ROBO1: variants seen among roughly 807,000 people sequenced by gnomAD.
The protein encoded by ROBO1 is roundabout homolog 1.
In ROBO1, 149 loss-of-function variants were observed where a neutral mutation model predicts 195.9. The observed-to-expected ratio is 0.76, with a 90% CI of 0.67 to 0.87. The LOEUF (loss-of-function observed/expected upper bound fraction) is 0.87. Among genes scored for constraint, ROBO1 ranks in the 40% least tolerant of loss-of-function variants. The pLI is 0.00. For missense variants in ROBO1, 1,933 were observed against 2,068.3 expected (o/e 0.93, Z 1.27); for synonymous variants, 816 against 733.2 (o/e 1.11, Z -1.82).
chr3:79,615,149 G>C (rs566235372), intron 1 of ROBO1, among the ~76,000 whole-genome samples: 4 of 152,152 alleles, frequency 2.6e-5, no homozygotes, highest in Non-Finnish European at 5.9e-5. Context: ...CATTAAAACG[G>C]ATACTTAAGA....
rs545856298 is a variant in ROBO1, at chr3:78,953,947, C to T, written c.173-15020G>A. Among the ~76,000 whole-genome samples, 4 of 152,038 alleles carry T rather than the reference C, an allele frequency of 2.6e-5. No individual in the cohort carries two copies. In the East Asian group the frequency reaches 5.8e-4, roughly 22 times the overall value. On this transcript the variant is annotated intron_variant, in intron 3 of 30. Transcript: ENST00000464233. ...CACCATTATTTGATTTTAGATTCTC[C>T]TCCTAACTCTTTTCTGGAATTACAT... is the stretch of plus-strand genomic sequence containing the variant.
chr3:79,592,461 T>C (rs1453238254), intron 1 of ROBO1, among the ~76,000 whole-genome samples: 4 of 151,996 alleles, frequency 2.6e-5, no homozygotes, highest in Admixed American at 2.6e-4. Flanking sequence ...AATCAGAAAT[T>C]ATGAATCAGA....
intron 2 of ROBO1, among the ~76,000 whole-genome samples, chr3:79,244,080 C>A (rs2082574907): frequency 6.6e-6 from 1 of 152,054 alleles, no homozygotes. Flanking sequence ...TTGGTTCTAC[C>A]AGCAATCCTA....
At chr3:79,549,399 A>G (rs776228717) in intron 2 of ROBO1, among the ~76,000 whole-genome samples, 9 of 152,172 alleles carry the variant, frequency 5.9e-5, no homozygotes, top group Non-Finnish European at 1.2e-4. Context: ...AGAAAACACA[A>G]CCAACCCTTA....
At chr3:79,362,891 A>G (rs1437660744) in intron 2 of ROBO1, among the ~76,000 whole-genome samples, 1 of 152,158 alleles carries the variant, frequency 6.6e-6, no homozygotes, top group Admixed American at 6.5e-5. Context: ...CCCGGGAGAT[A>G]AGGAAAAAAC....
intron 4 of ROBO1, among the ~76,000 whole-genome samples, chr3:78,907,290 AAAC>A (rs200567835): frequency 4.1e-4 from 63 of 152,224 alleles, no homozygotes; most frequent in African/African-American, 1.4e-3. Context: ...CAAAAAAACA[AAAC>A]AACAACAACA....
intron 2 of ROBO1, among the ~76,000 whole-genome samples, chr3:79,282,797 C>A (rs2031609838): frequency 6.6e-6 from 1 of 152,078 alleles, no homozygotes; most frequent in South Asian, 2.1e-4. Context: ...CCTTTGGAAA[C>A]AGTCAGTGGC....
chr3:79,219,708 G>A (rs2082105982), intron 2 of ROBO1, among the ~76,000 whole-genome samples: 2 of 151,882 alleles, frequency 1.3e-5, no homozygotes, highest in Non-Finnish European at 2.9e-5. Context: ...GATTCTTATG[G>A]GAATGACCAA....
intron 3 of ROBO1, among the ~76,000 whole-genome samples, chr3:78,996,518 C>T (rs907652621): frequency 1.3e-5 from 2 of 152,210 alleles, no homozygotes; most frequent in African/African-American, 2.4e-5. Flanking sequence ...CACCCTATTT[C>T]CTATTTGATT....
At chr3:79,723,243 C>T (rs980871904) in intron 1 of ROBO1, among the ~76,000 whole-genome samples, 1 of 152,106 alleles carries the variant, frequency 6.6e-6, no homozygotes, top group African/African-American at 2.4e-5. Context: ...CCTTCTTTCC[C>T]TTGGGATCAA....
intron 5 of ROBO1, among the ~76,000 whole-genome samples, chr3:78,718,225 G>T (rs920478193): frequency 6.6e-6 from 1 of 152,132 alleles, no homozygotes; most frequent in Non-Finnish European, 1.5e-5. Context: ...TAGTTAGCAA[G>T]AGGAAAGAGA....
chr3:79,039,112 A>G (rs1414356488), intron 3 of ROBO1, among the ~76,000 whole-genome samples: 7 of 152,218 alleles, frequency 4.6e-5, no homozygotes, highest in African/African-American at 1.4e-4. Context: ...AATGTACAGA[A>G]ATAACTTTGT....
intron 2 of ROBO1, among the ~76,000 whole-genome samples, chr3:79,455,366 T>C (rs1387731251): frequency 6.6e-6 from 1 of 152,106 alleles, no homozygotes; most frequent in African/African-American, 2.4e-5. Context: ...TGCCTACTTT[T>C]TTATAGGACA....
At chr3:78,675,944 A>G (rs1453557119) in intron 10 of ROBO1, among the ~76,000 whole-genome samples, 2 of 151,990 alleles carry the variant, frequency 1.3e-5, no homozygotes, top group Non-Finnish European at 2.9e-5. Flanking sequence ...GCAGACTGAC[A>G]CCTCACAGGG....
At chr3:79,692,715 C>A (rs1362887595) in intron 1 of ROBO1, among the ~76,000 whole-genome samples, 1 of 151,758 alleles carries the variant, frequency 6.6e-6, no homozygotes, top group Non-Finnish European at 1.5e-5. Flanking sequence ...TTCAGTTAGA[C>A]AGGAGAAATA....
chr3:79,594,422 T>G (rs1944100463), intron 1 of ROBO1, among the ~76,000 whole-genome samples: 1 of 151,918 alleles, frequency 6.6e-6, no homozygotes, highest in South Asian at 2.1e-4. Flanking sequence ...TTAAGAAAAC[T>G]AACACTATAT....
intron 2 of ROBO1, among the ~76,000 whole-genome samples, chr3:79,163,965 T>C (rs540274631): frequency 6.6e-6 from 1 of 152,134 alleles, no homozygotes. Flanking sequence ...ACATTGATGA[T>C]TATATTGTAA....
At chr3:78,807,918 T>C (rs200440910) in intron 4 of ROBO1, among the ~76,000 whole-genome samples, 1 of 136,814 alleles carries the variant, frequency 7.3e-6, no homozygotes, top group Non-Finnish European at 1.6e-5. Flanking sequence ...GAACAAACAT[T>C]TGCTAAACAC....
intron 2 of ROBO1, among the ~76,000 whole-genome samples, chr3:79,243,279 T>A (rs1004113668): frequency 2.7e-4 from 41 of 152,152 alleles, no homozygotes; most frequent in Admixed American, 5.9e-4. Flanking sequence ...TTGTGAATAG[T>A]GCCGCTATAA....
Sources: allele counts gnomAD v4.1 joint callset (sites outside exome capture counted in the v4.1 genomes callset), GRCh38; gene constraint gnomAD v4.1.1; transcripts MANE v1.5; gene names NCBI Gene and HGNC (gene_info 2026-07-23, HGNC 2026-07-21).